KMT2D: variants seen among roughly 807,000 people sequenced by gnomAD.
KMT2D encodes the protein histone-lysine N-methyltransferase 2D.
Under a neutral mutation model 512.7 loss-of-function variants are expected in KMT2D, and 55 were observed. The ratio of observed to expected loss-of-function variants is 0.11; its 90% CI spans 0.09 to 0.13. KMT2D has a LOEUF of 0.13. Ranked by LOEUF, KMT2D falls within the 10% of genes least tolerant of loss-of-function variation. The pLI is 1.00. For missense variants in KMT2D, 6,061 were observed against 7,127.9 expected, an observed-to-expected ratio of 0.85 and a Z score of 5.39; for synonymous variants, 2,995 against 2,904.0, an observed-to-expected ratio of 1.03 and a Z score of -1.01.
At position 49,022,982 on chromosome 12, in the gene KMT2D, G is replaced by A. The variant is rs1407195994; in HGVS notation, c.16053-107C>T. On this transcript the variant is annotated intron_variant, in intron 51 of 54. Coordinates refer to ENST00000301067, the MANE Select transcript of KMT2D (RefSeq NM_003482.4). The surrounding 1 kb of genome is among the most constrained non-coding windows in gnomAD (Gnocchi z 8.6). Reference sequence around the variant, plus strand: ...GATGTGCAACACACCAGTTAGGGGCGTGTGCTGCTGGCAAGCACTGGAAGT... The same window carrying A: ...GATGTGCAACACACCAGTTAGGGGCATGTGCTGCTGGCAAGCACTGGAAGT... 9 of 1,204,526 alleles carry A rather than the reference G, an allele frequency of 7.5e-6. No homozygotes were observed. The highest frequency in any genetic ancestry group is 1.5e-5 in the African/African-American group (1 of 65,078). The allele number at this position is 1,204,526 out of a possible 1,614,324, so 74.6% of individuals were successfully genotyped here. A position where few individuals can be genotyped will look rare whatever the true frequency, so the allele number is the denominator to read the frequency against.
Position 49,038,629 on chromosome 12 carries a change from T to C in KMT2D, c.8727A>G (p.Val2909=), listed in dbSNP as rs370382626. The change falls in exon 35 of 55, where the codon GTA becomes GTG. Residue 2909 remains valine, a synonymous_variant. Transcript: ENST00000301067. This position sits in a 1 kb window ranked among gnomAD's most constrained non-coding sequence, Gnocchi z 5.7. ...GAGCCAGTCGGTGGGGGTCCTCACTTACAGGGTAAAAACGGGGTCTCTGAG... is the reference window on the plus strand; with the variant it reads ...GAGCCAGTCGGTGGGGGTCCTCACTCACAGGGTAAAAACGGGGTCTCTGAG... ...GPPQRPRFYP[V]SEDPHRLAPE... 8 of 1,612,938 alleles carry C rather than the reference T, an allele frequency of 5.0e-6. No homozygotes were observed. The African/African-American group carries it at 8.0e-5, about 16-fold the overall frequency.
In KMT2D at chr12:49,032,596, C is replaced by G; in HGVS notation, c.12109G>C (p.Ala4037Pro). The G allele has an allele frequency of 6.2e-7, 1 of 1,613,916 alleles. No individual in the cohort carries two copies. The highest frequency in any genetic ancestry group is 8.5e-7 in the Non-Finnish European group (1 of 1,179,878). Residue 4037 changes from alanine to proline, a missense_variant, in exon 40 of 55, where the codon GCC becomes CCC. Coordinates refer to ENST00000301067, the MANE Select transcript of KMT2D (RefSeq NM_003482.4). ...NTVDPAVSSE[A>P]TEGPSTHQGG... ...TGATGTGTAGAGGGCCCCTCAGTGG[C>G]CTCTGAAGAAACGGCTGGGTCTACG...
chr12:49,058,436 G>GT (rs1938541774), intron 1 of KMT2D, among the ~76,000 whole-genome samples: 1 of 152,166 alleles, frequency 6.6e-6, no homozygotes, highest in Admixed American at 6.5e-5. Flanking sequence ...TCTAGTATAT[G>GT]TATGTTGGAG....
In KMT2D at chr12:49,020,318, C is replaced by T. The variant is rs923996600; in HGVS notation, c.*1462G>A. ...GTGGGGTGGGGGGTGAGGAAAAGGG[C>T]GGTAGGTCGGGTAATGGAGGGGGCC... is the stretch of plus-strand genomic sequence containing the variant. On this transcript the variant is annotated 3_prime_UTR_variant, in exon 55 of 55. Coordinates refer to ENST00000301067, the MANE Select transcript of KMT2D (RefSeq NM_003482.4). The T allele has an allele frequency of 6.9e-5, 12 of 175,164 alleles. No individual in the cohort carries two copies. Among genetic ancestry groups the T allele is most frequent in the Non-Finnish European group, 1.5e-4 (12 of 81,370 alleles). 10.9% of individuals were successfully genotyped at this position (175,164 alleles called of 1,614,324 possible). A position where few individuals can be genotyped will look rare whatever the true frequency, so the allele number is the denominator to read the frequency against.
At chr12:49,049,240 T>C (rs754756724) in intron 12 of KMT2D, 22 bp from the exon 13 acceptor site, 1 of 1,481,252 alleles carries the variant, frequency 6.8e-7, no homozygotes, top group Admixed American at 1.9e-5. Flanking sequence ...AAGGGGACAA[T>C]GACAGGAGCA....
At chr12:49,055,075 A>G in intron 2 of KMT2D, 49 bp from the exon 3 acceptor site, 1 of 1,607,368 alleles carries the variant, frequency 6.2e-7, no homozygotes, top group Non-Finnish European at 8.5e-7. Context: ...CCTATTTAAC[A>G]CAAAGTCCAC....
rs398123717 is a variant in KMT2D, at chr12:49,030,977, G to C, written c.13587C>G (p.Ser4529Arg). 6.2e-7 allele frequency: 1 copy of C among 1,613,914 alleles called. No homozygotes were observed. The highest frequency in any genetic ancestry group is 8.5e-7 in the Non-Finnish European group (1 of 1,179,870). ...TPKPKRVQKA[S>R]DRLVSSRKKL... Reference sequence around the variant, plus strand: ...TCTTTCGGGAGCTCACCAACCTGTCGCTTGCCTTCTGTACCCGCTTGGGCT... The same window carrying C: ...TCTTTCGGGAGCTCACCAACCTGTCCCTTGCCTTCTGTACCCGCTTGGGCT... The change falls in exon 41 of 55, where the codon AGC (serine) becomes AGG (arginine). Residue 4529 changes from serine to arginine, a missense_variant. Ser to Arg is a moderately radical substitution (Grantham distance 110). This residue lies in a region of KMT2D where 1,600 missense variants were observed against 1,754.9 expected (regional missense o/e 0.91). Coordinates refer to ENST00000301067, the MANE Select transcript of KMT2D (RefSeq NM_003482.4).
In KMT2D at chr12:49,039,918, G is replaced by A. The variant is rs752295883; in HGVS notation, c.7852C>T (p.Pro2618Ser). 28 of 1,614,050 alleles carry A rather than the reference G, an allele frequency of 1.7e-5. No individual in the cohort carries two copies. The highest frequency in any genetic ancestry group is 2.0e-5 in the Non-Finnish European group (24 of 1,179,900). The change falls in exon 32 of 55, where the codon CCA becomes TCA. Residue 2618 changes from proline to serine, a missense_variant. Pro to Ser is a moderately conservative substitution (Grantham distance 74). Coordinates refer to ENST00000301067, the MANE Select transcript of KMT2D (RefSeq NM_003482.4). The surrounding 1 kb of genome is among the most constrained non-coding windows in gnomAD (Gnocchi z 5.0). ...GGGAGGGATCCGTCGGGTGCAGGTGGTGGCAGAACCGACGGAGGGCGTAGT... is the reference window on the plus strand; with the variant it reads ...GGGAGGGATCCGTCGGGTGCAGGTGATGGCAGAACCGACGGAGGGCGTAGT... The part of the protein sequence containing the change: ...SPLRPPSVLP[P>S]PAPDGSLPYL...
Position 49,033,070 on chromosome 12 carries a change from T to A in KMT2D, c.11635A>T (p.Ser3879Cys). 1 of 1,551,298 alleles carries A rather than the reference T, an allele frequency of 6.4e-7. No individual in the cohort carries two copies. The highest frequency in any genetic ancestry group is 8.7e-7 in the Non-Finnish European group (1 of 1,146,892). The part of the protein sequence containing the change: ...SMAGLSHLQQ[S>C]LMSHSGQPKL... ...GGCTGCCCACTGTGTGACATCAGACTCTGCTGAAGATGGGACAGCCCTGCC... is the reference window on the plus strand; with the variant it reads ...GGCTGCCCACTGTGTGACATCAGACACTGCTGAAGATGGGACAGCCCTGCC... Residue 3879 changes from serine (S) to cysteine (C), a missense_variant, in exon 40 of 55, where the codon AGT (serine) becomes TGT (cysteine). Ser to Cys is a moderately radical substitution (Grantham distance 112). Transcript: ENST00000301067.
At position 49,045,501 on chromosome 12, in the gene KMT2D, G is replaced by A. The variant is rs544445984; in HGVS notation, c.4741+419C>T. Among the ~76,000 whole-genome samples the A allele has an allele frequency of 6.6e-5, 10 of 152,128 alleles. No homozygotes were observed. The South Asian group carries it at 1.5e-3, about 22-fold the overall frequency. On this transcript the variant is annotated intron_variant, in intron 19 of 54. Coordinates refer to ENST00000301067, the MANE Select transcript of KMT2D (RefSeq NM_003482.4). ...TACTAAAAAATACAAAAAATTAGCCGGGCGTGGTGGCGGGCACCTGTAGTC... is the reference window on the plus strand; with the variant it reads ...TACTAAAAAATACAAAAAATTAGCCAGGCGTGGTGGCGGGCACCTGTAGTC...
intron 48 of KMT2D, 80 bp from the exon 49 acceptor site, chr12:49,027,402 C>T (rs2120373194): frequency 8.8e-7 from 1 of 1,141,364 alleles, no homozygotes; most frequent in Non-Finnish European, 1.2e-6. Flanking sequence ...ATATGCCACC[C>T]TCCCAAAAGG....
Position 49,046,897 on chromosome 12 carries a change from G to C in KMT2D, c.4237-107C>G. On this transcript the variant is annotated intron_variant, in intron 15 of 54. Transcript: ENST00000301067. This position sits in a 1 kb window ranked among gnomAD's most constrained non-coding sequence, Gnocchi z 4.2. ...TTTTGCTCTTGTTCCCCAGGCTGGA[G>C]TGCAATGGCGCGATCTCGGCTCACT... The C allele has an allele frequency of 2.0e-6, 2 of 997,904 alleles. No individual in the cohort carries two copies. The highest frequency in any genetic ancestry group is 2.9e-6 in the Non-Finnish European group (2 of 686,798). The allele number at this position is 997,904 out of a possible 1,614,324, so 61.8% of individuals were successfully genotyped here.
chr12:49,028,957 G>A lies in KMT2D; in HGVS notation c.14253C>T (p.Val4751=), dbSNP rs754623221. 1.1e-5 allele frequency: 18 copies of A among 1,613,602 alleles called. No individual in the cohort carries two copies. The highest frequency in any genetic ancestry group is 5.0e-5 in the Admixed American group (3 of 59,966). Residue 4751 remains valine, a splice_region_variant and synonymous_variant, in exon 46 of 55, where the codon GTC becomes GTT. Transcript: ENST00000301067. The stretch of plus-strand genomic sequence containing the variant: ...CCCCATAAGGTTTGGTATCTGGGAA[G>A]ACTGAATGAGAAAGAGGAATTTGTG... ...IPLIPRASIP[V]FPDTKPYGAL...
At chr12:49,058,415 A>C (rs1323573363) in intron 1 of KMT2D, among the ~76,000 whole-genome samples, 1 of 152,006 alleles carries the variant, frequency 6.6e-6, no homozygotes, top group Non-Finnish European at 1.5e-5. Flanking sequence ...CCAAAACCAG[A>C]CTCAAAGAAA....
rs2120714029 is a variant in KMT2D, at chr12:49,054,768, A to T, written c.177-17T>A. 1.9e-6 allele frequency: 3 copies of T among 1,612,994 alleles called. No homozygotes were observed. The South Asian group carries it at 3.3e-5, about 18-fold the overall frequency. On this transcript the variant is annotated splice_polypyrimidine_tract_variant and intron_variant, in intron 3 of 54. Coordinates refer to ENST00000301067, the MANE Select transcript of KMT2D (RefSeq NM_003482.4). This position sits in a 1 kb window ranked among gnomAD's most constrained non-coding sequence, Gnocchi z 6.4. ...GGACCCCCACTGTGGACACACAAGC[A>T]TCAGTACCACGCCAGGCCCCCAGCA...
intron 49 of KMT2D, among the ~76,000 whole-genome samples, chr12:49,025,946 C>A (rs1942558912): frequency 6.6e-6 from 1 of 152,124 alleles, no homozygotes; most frequent in African/African-American, 2.4e-5. Context: ...AGCAACAGAA[C>A]TAGAATATGT....
rs1943438192 is a variant in KMT2D at position 49,040,180 on chromosome 12, G to C, written c.7590C>G (p.Thr2530=). The change falls in exon 32 of 55, where the codon ACC becomes ACG. Residue 2530 remains threonine, a synonymous_variant. Coordinates refer to ENST00000301067, the MANE Select transcript of KMT2D (RefSeq NM_003482.4). ...RSPGTGAFVG[T]PSPMRFTFPQ... ...GGAAAGTGAAACGCATGGGAGAGGG[G>C]GTGCCCACAAATGCACCCGTCCCAG... The C allele has an allele frequency of 1.2e-6, 2 of 1,613,592 alleles. No individual in the cohort carries two copies. The highest frequency in any genetic ancestry group is 1.7e-6 in the Non-Finnish European group (2 of 1,179,792).
chr12:49,051,293 A>C lies in KMT2D; in HGVS notation c.2390T>G (p.Leu797Arg). ...HLSPQAEGPHLSPQPEELHLS... is the reference protein window; with the variant it reads ...HLSPQAEGPHRSPQPEELHLS... ...GTGCAATTCCTCAGGCTGAGGGGAC[A>C]GATGTGGTCCCTCAGCCTGGGGGGA... The change falls in exon 11 of 55, where the codon CTG becomes CGG. Residue 797 changes from leucine to arginine, a missense_variant. By Grantham distance (102) the Leu-to-Arg change is moderately radical. This residue lies in a region of KMT2D where 848 missense variants were observed against 838.5 expected (regional missense o/e 1.01). Transcript: ENST00000301067. The C allele has an allele frequency of 6.4e-7, 1 of 1,570,962 alleles. No homozygotes were observed. The highest frequency in any genetic ancestry group is 1.2e-5 in the South Asian group (1 of 85,270).
rs1465812531 is a variant in KMT2D, at chr12:49,050,551, A to C, written c.3037T>G (p.Ser1013Ala). The change falls in exon 12 of 55, where the codon TCT becomes GCT. Residue 1013 changes from serine to alanine, a missense_variant. By Grantham distance (99) the Ser-to-Ala change is moderately conservative (BLOSUM62 1). Transcript: ENST00000301067. ...GGAAGGGGCTCCATCAGGATGGGAG[A>C]AGCCGGCCCCACTGGGGAGCCTGGA... The part of the protein sequence containing the change: ...PSPGSPVGPA[S>A]PILMEPLPPQ... The C allele has an allele frequency of 6.9e-6, 11 of 1,604,778 alleles. No homozygotes were observed. The highest frequency in any genetic ancestry group is 6.0e-6 in the Non-Finnish European group (7 of 1,173,446).
Sources: gnomAD v4.1 joint callset for allele counts (sites outside exome capture counted in the v4.1 genomes callset) on GRCh38, gnomAD v4.1.1 for gene constraint, gnomAD v4.1.1 regional missense constraint, Gnocchi (gnomAD v3.1) non-coding constraint, MANE v1.5 for transcripts, NCBI Gene and HGNC (gene_info 2026-07-23, HGNC 2026-07-21) for gene names.